Variants in MSI2 observed in about 807,000 individuals in gnomAD.
The protein encoded by MSI2 is RNA-binding protein Musashi homolog 2.
MSI2 carries 17 observed loss-of-function variants against 45.6 expected under a neutral mutation model. The ratio of observed to expected loss-of-function variants is 0.37; its 90% CI spans 0.26 to 0.56. MSI2 has a LOEUF of 0.56. Ranked by LOEUF, MSI2 falls within the 20% of genes least tolerant of loss-of-function variation. The pLI, the probability that MSI2 is intolerant of heterozygous loss-of-function variation, is 0.77. For missense variants in MSI2, 293 were observed against 444.2 expected, an observed-to-expected ratio of 0.66 and a Z score of 3.06; for synonymous variants, 156 against 158.2, an observed-to-expected ratio of 0.99 and a Z score of 0.11.
At chr17:57,433,662 C>T (rs143991363) in intron 6 of MSI2, among the ~76,000 whole-genome samples, 68 of 152,324 alleles carry the variant, frequency 4.5e-4, no homozygotes, top group African/African-American at 1.5e-3. Context: ...AATGTTCTCA[C>T]TGTACACAGC....
chr17:57,270,108 T>G (rs928681518), intron 5 of MSI2, among the ~76,000 whole-genome samples: 1 of 152,242 alleles, frequency 6.6e-6, no homozygotes, highest in Non-Finnish European at 1.5e-5. Context: ...GCTGCTATCT[T>G]GCTTTATTTT....
chr17:57,442,581 T>C (rs1386448950), intron 6 of MSI2, among the ~76,000 whole-genome samples: 2 of 152,086 alleles, frequency 1.3e-5, no homozygotes, highest in Non-Finnish European at 2.9e-5. Context: ...TGTTCTCCAC[T>C]GGCCTCTCCT....
At chr17:57,337,060 C>G (rs947883483) in intron 5 of MSI2, among the ~76,000 whole-genome samples, 9 of 152,200 alleles carry the variant, frequency 5.9e-5, no homozygotes, top group Non-Finnish European at 1.3e-4. Flanking sequence ...CTACCTGTGT[C>G]TGCACAGTGT....
At chr17:57,494,236 C>T (rs2085931597) in intron 6 of MSI2, among the ~76,000 whole-genome samples, 1 of 152,168 alleles carries the variant, frequency 6.6e-6, no homozygotes, top group Non-Finnish European at 1.5e-5. Context: ...AAGGGAGACC[C>T]ATTAAAATAT....
In MSI2 at chr17:57,681,435, C is replaced by T. The variant is rs1913588082; in HGVS notation, c.*1918C>T. 5.6e-6 allele frequency: 1 copy of T among 179,670 alleles called. No individual in the cohort carries two copies. The highest frequency in any genetic ancestry group is 6.3e-5 in the Admixed American group (1 of 15,886). 11.1% of individuals were successfully genotyped at this position (179,670 alleles called of 1,614,324 possible). A position where few individuals can be genotyped will look rare whatever the true frequency, so the allele number is the denominator to read the frequency against. On this transcript the variant is annotated 3_prime_UTR_variant, in exon 14 of 14. Coordinates refer to ENST00000284073, the MANE Select transcript of MSI2 (RefSeq NM_138962.4). ...TACTTAAGGCACAGCCAGTATGAGACACTGAATGCGACATTTATTATAAAG... is the reference window on the plus strand; with the variant it reads ...TACTTAAGGCACAGCCAGTATGAGATACTGAATGCGACATTTATTATAAAG...
chr17:57,350,819 G>A (rs912907269), intron 5 of MSI2, among the ~76,000 whole-genome samples: 5 of 152,132 alleles, frequency 3.3e-5, no homozygotes, highest in Admixed American at 1.3e-4. Context: ...CACTGTCATC[G>A]TATCAGCTAG....
At chr17:57,633,259 C>T (rs1184749515) in intron 10 of MSI2, 4 of 860,946 alleles carry the variant, frequency 4.6e-6, no homozygotes, top group Non-Finnish European at 5.6e-6. Flanking sequence ...ACTGAATAAC[C>T]AGCACCGATG....
At chr17:57,640,830 T>A (rs1159275707) in intron 10 of MSI2, among the ~76,000 whole-genome samples, 1 of 152,220 alleles carries the variant, frequency 6.6e-6, no homozygotes, top group Non-Finnish European at 1.5e-5. Flanking sequence ...TCTGTGGCCA[T>A]GAAAAGTGCT....
intron 7 of MSI2, among the ~76,000 whole-genome samples, chr17:57,546,627 C>T (rs1364732865): frequency 1.3e-5 from 2 of 152,160 alleles, no homozygotes; most frequent in Admixed American, 6.5e-5. Flanking sequence ...CAGCCAGGGA[C>T]GACCAGGCTG....
chr17:57,446,114 G>A (rs938366372), intron 6 of MSI2, among the ~76,000 whole-genome samples: 1 of 152,122 alleles, frequency 6.6e-6, no homozygotes. Context: ...AGAGGAAATG[G>A]AAGAAAGTGT....
chr17:57,544,611 C>T (rs1400754401), intron 7 of MSI2, among the ~76,000 whole-genome samples: 2 of 152,066 alleles, frequency 1.3e-5, no homozygotes, highest in East Asian at 1.9e-4. Flanking sequence ...AATAAAGCAG[C>T]GATATTAGCA....
intron 11 of MSI2, among the ~76,000 whole-genome samples, chr17:57,672,817 T>C (rs1912903806): frequency 6.6e-6 from 1 of 152,222 alleles, no homozygotes; most frequent in African/African-American, 2.4e-5. Context: ...TAGACTAAGA[T>C]AATACCGCCT....
At chr17:57,415,811 C>T (rs2084284868) in intron 6 of MSI2, among the ~76,000 whole-genome samples, 1 of 152,088 alleles carries the variant, frequency 6.6e-6, no homozygotes, top group Non-Finnish European at 1.5e-5. Flanking sequence ...AGCCTCTGCC[C>T]CCACCCCTCC....
intron 6 of MSI2, among the ~76,000 whole-genome samples, chr17:57,516,046 G>A (rs2086462980): frequency 6.6e-6 from 1 of 152,194 alleles, no homozygotes; most frequent in Non-Finnish European, 1.5e-5. Context: ...CAGGAAACCA[G>A]TGTTGGTACC....
intron 7 of MSI2, among the ~76,000 whole-genome samples, chr17:57,562,977 A>G (rs1003955021): frequency 6.6e-6 from 1 of 151,880 alleles, no homozygotes; most frequent in African/African-American, 2.4e-5. Context: ...GCATGCCTGT[A>G]ATCCCAGCTA....
At chr17:57,431,410 G>A (rs1318686969) in intron 6 of MSI2, among the ~76,000 whole-genome samples, 1 of 152,216 alleles carries the variant, frequency 6.6e-6, no homozygotes, top group Non-Finnish European at 1.5e-5. Context: ...TGAGCTGTTT[G>A]TGTCCTTGCA....
the MSI2 span, among the ~76,000 whole-genome samples, chr17:57,690,535 C>T: frequency 6.6e-6 from 1 of 152,046 alleles, no homozygotes; most frequent in Non-Finnish European, 1.5e-5. Flanking sequence ...GGGAGGATAA[C>T]TTGAACCCAG....
At chr17:57,587,000 G>C (rs1044746097) in intron 7 of MSI2, among the ~76,000 whole-genome samples, 3 of 152,204 alleles carry the variant, frequency 2.0e-5, no homozygotes, top group African/African-American at 7.2e-5. Context: ...GCTTGCGTCA[G>C]CATCAGAATT....
Position 57,547,789 on chromosome 17 carries a change from C to CACACAT in MSI2, c.454+18065_454+18066insACACAT, listed in dbSNP as rs1555621979. 9.8e-3 allele frequency among the ~76,000 whole-genome samples: 1,421 copies of CACACAT among 145,174 alleles called. 9 individuals are homozygous for CACACAT. Among genetic ancestry groups the CACACAT allele is most frequent in the Middle Eastern group, 0.018 (5 of 274 alleles). ...ACACACACACACACACACACACACA[C>CACACAT]GTCTCTGGAGAATTAACATAACCTA... On this transcript the variant is annotated intron_variant, in intron 7 of 13. Coordinates refer to ENST00000284073, the MANE Select transcript of MSI2 (RefSeq NM_138962.4).
Sources: allele counts gnomAD v4.1 joint callset (sites outside exome capture counted in the v4.1 genomes callset), GRCh38; gene constraint gnomAD v4.1.1; transcripts MANE v1.5; gene names NCBI Gene and HGNC (gene_info 2026-07-23, HGNC 2026-07-21).